SCEL: variants seen among roughly 807,000 people sequenced by gnomAD.
SCEL encodes sciellin.
SCEL carries 113 observed loss-of-function variants against 117.6 expected under a neutral mutation model. The observed-to-expected ratio is 0.96, with a 90% CI of 0.83 to 1.12. The LOEUF (loss-of-function observed/expected upper bound fraction) is 1.12, where lower values mean the gene tolerates loss of function less well. SCEL is among the 50% of genes most tolerant of loss of function. The probability of loss-of-function intolerance (pLI) is 0.00; values close to 1 mark genes in which losing one functional copy is unlikely to be tolerated. For missense variants in SCEL, 785 were observed against 810.8 expected (o/e 0.97, Z 0.39); for synonymous variants, 270 against 256.2 (o/e 1.05, Z -0.51).
chr13:77,623,137 T>TA (rs1461853911), intron 27 of SCEL, among the ~76,000 whole-genome samples: 4 of 152,202 alleles, frequency 2.6e-5, no homozygotes, highest in African/African-American at 9.6e-5. Flanking sequence ...CACCACAGTG[T>TA]AAAAGTCATT....
At chr13:77,574,170 T>A (rs1179594940) in intron 9 of SCEL, among the ~76,000 whole-genome samples, 2 of 152,364 alleles carry the variant, frequency 1.3e-5, no homozygotes, top group East Asian at 3.9e-4. Flanking sequence ...TATAACAGTG[T>A]AAAACATGGA....
chr13:77,586,614 A>G (rs1359055392), intron 9 of SCEL, among the ~76,000 whole-genome samples: 3 of 152,276 alleles, frequency 2.0e-5, no homozygotes, highest in African/African-American at 7.2e-5. Context: ...TGGTAAATCC[A>G]ACTCTCAGTC....
At chr13:77,577,061 A>G (rs2085984327) in intron 9 of SCEL, among the ~76,000 whole-genome samples, 1 of 152,148 alleles carries the variant, frequency 6.6e-6, no homozygotes, top group East Asian at 1.9e-4. Flanking sequence ...TTTTCTAGAT[A>G]TAGGATCATG....
At position 77,569,412 on chromosome 13, in the gene SCEL, T is replaced by C. The variant is rs1410421567; in HGVS notation, c.440T>C (p.Ile147Thr). 2 of 1,613,744 alleles carry C rather than the reference T, an allele frequency of 1.2e-6. No homozygotes were observed. Among genetic ancestry groups the C allele is most frequent in the Non-Finnish European group, 1.7e-6 (2 of 1,179,778 alleles). ...GSLNANTSNTIASTSATTPVK... is the reference protein window; with the variant it reads ...GSLNANTSNTTASTSATTPVK... ...TTGAATGCCAACACCTCCAACACCA[T>C]AGCATCCACTTCTGCTACTACTCCT... is the stretch of plus-strand genomic sequence containing the variant. Residue 147 changes from isoleucine (I) to threonine (T), a missense_variant, in exon 8 of 33, where the codon ATA (isoleucine) becomes ACA (threonine). Physicochemically the swap from Ile to Thr is moderately conservative, Grantham distance 89. Coordinates refer to ENST00000349847, the MANE Select transcript of SCEL (RefSeq NM_144777.3).
intron 1 of SCEL, among the ~76,000 whole-genome samples, chr13:77,547,536 C>G (rs2084060329): frequency 1.3e-5 from 2 of 152,186 alleles, no homozygotes; most frequent in Admixed American, 6.5e-5. Context: ...CCATCCCTCA[C>G]TCTCTCATCC....
Position 77,602,616 on chromosome 13 carries a change from T to G in SCEL, c.978-38T>G, listed in dbSNP as rs112758698. 54 of 1,573,454 alleles carry G rather than the reference T, an allele frequency of 3.4e-5. No individual in the cohort carries two copies. The African/African-American group carries it at 4.9e-4, about 14-fold the overall frequency. On this transcript the variant is annotated intron_variant, in intron 16 of 32. Coordinates refer to ENST00000349847, the MANE Select transcript of SCEL (RefSeq NM_144777.3). ...ATACAGATTTCAGAGAAAATTGTAC[T>G]GTAACCTAACTGACAAGTTTTGGTG...
intron 5 of SCEL, among the ~76,000 whole-genome samples, chr13:77,565,162 G>C (rs753318923): frequency 4.6e-5 from 7 of 152,142 alleles, no homozygotes; most frequent in Non-Finnish European, 8.8e-5. Flanking sequence ...ATACAGCCTA[G>C]GAATGTGGGA....
At chr13:77,536,334 ATATT>A in intron 1 of SCEL, among the ~76,000 whole-genome samples, 1 of 152,262 alleles carries the variant, frequency 6.6e-6, no homozygotes, top group East Asian at 1.9e-4. Flanking sequence ...AGAGAGGTTT[ATATT>A]TATGAGGTTT....
chr13:77,588,290 T>C (rs951914848), intron 9 of SCEL, among the ~76,000 whole-genome samples: 3 of 152,130 alleles, frequency 2.0e-5, no homozygotes, highest in African/African-American at 7.2e-5. Flanking sequence ...AGAAACAGAA[T>C]CAAGTTAACC....
At chr13:77,594,851 A>C (rs2087126810) in intron 12 of SCEL, among the ~76,000 whole-genome samples, 1 of 152,230 alleles carries the variant, frequency 6.6e-6, no homozygotes, top group Non-Finnish European at 1.5e-5. Flanking sequence ...AAAAGAATTG[A>C]AGAGAAGAAA....
chr13:77,545,711 G>C lies in SCEL; in HGVS notation c.-20+9887G>C, dbSNP rs542647725. The stretch of plus-strand genomic sequence containing the variant: ...GAGGGGGCATTAGGAGATGATTTGG[G>C]TGACATGGACAATGGGTCCTAAGAG... On this transcript the variant is annotated intron_variant, in intron 1 of 32. Transcript: ENST00000349847. Among the ~76,000 whole-genome samples the C allele has an allele frequency of 7.9e-5, 12 of 152,328 alleles. No individual in the cohort carries two copies. In the East Asian group the frequency reaches 2.3e-3, roughly 29 times the overall value.
At position 77,610,098 on chromosome 13, in the gene SCEL, T is replaced by A; in HGVS notation, c.1329T>A (p.Thr443=). 1 of 1,607,986 alleles carries A rather than the reference T, an allele frequency of 6.2e-7. No individual in the cohort carries two copies. The highest frequency in any genetic ancestry group is 1.3e-5 in the African/African-American group (1 of 74,758). ...AAGTGACTCCTGAAAGAAACAGAAC[T>A]AACCAAGGGTAAGGTTTATGGAACT... ...LIKVTPERNR[T]NQGNQDLENL... The change falls in exon 22 of 33, where the codon ACT becomes ACA. Residue 443 remains threonine, a synonymous_variant. Coordinates refer to ENST00000349847, the MANE Select transcript of SCEL (RefSeq NM_144777.3).
At chr13:77,614,104 T>C (rs1039737398) in intron 24 of SCEL, 149 bp downstream of exon 24, 13 of 689,052 alleles carry the variant, frequency 1.9e-5, no homozygotes, top group African/African-American at 1.5e-4. Flanking sequence ...TATTTGTTAA[T>C]TGCAAGAAAG....
At chr13:77,633,442 CAAAAAAA>C (rs59939208) in intron 28 of SCEL, among the ~76,000 whole-genome samples, 4 of 30,022 alleles carry the variant, frequency 1.3e-4, no homozygotes, top group South Asian at 2.3e-3. Context: ...GACTCCGCCT[CAAAAAAA>C]AAAAAAAAAA....
intron 7 of SCEL, 56 bp downstream of exon 7, chr13:77,568,389 G>T: frequency 8.6e-7 from 1 of 1,156,398 alleles, no homozygotes; most frequent in Non-Finnish European, 1.3e-6. Context: ...AGAAAAACCA[G>T]GGAAAACCAC....
chr13:77,586,178 A>G (rs1164160939), intron 9 of SCEL, among the ~76,000 whole-genome samples: 2 of 151,990 alleles, frequency 1.3e-5, no homozygotes, highest in Admixed American at 1.3e-4. Context: ...ATGCTTGGTG[A>G]TTTCAAAATC....
At chr13:77,615,179 TAGG>T (rs2088931882) in intron 24 of SCEL, among the ~76,000 whole-genome samples, 1 of 152,056 alleles carries the variant, frequency 6.6e-6, no homozygotes, top group African/African-American at 2.4e-5. Flanking sequence ...CATGGAGTCC[TAGG>T]AGGAGATGTT....
chr13:77,559,221 C>T (rs533341277), intron 3 of SCEL, among the ~76,000 whole-genome samples: 1 of 152,282 alleles, frequency 6.6e-6, no homozygotes, highest in African/African-American at 2.4e-5. Flanking sequence ...GTCTTCGCTG[C>T]CTAATTCATA....
intron 30 of SCEL, among the ~76,000 whole-genome samples, chr13:77,639,527 T>C (rs2090461081): frequency 6.6e-6 from 1 of 152,236 alleles, no homozygotes; most frequent in African/African-American, 2.4e-5. Flanking sequence ...GACTAACTCA[T>C]TTCAACACAA....
Sources: gnomAD v4.1 joint callset for allele counts (sites outside exome capture counted in the v4.1 genomes callset) on GRCh38, gnomAD v4.1.1 for gene constraint, MANE v1.5 for transcripts, NCBI Gene and HGNC (gene_info 2026-07-23, HGNC 2026-07-21) for gene names.